MTSS1: variants seen among roughly 807,000 people sequenced by gnomAD.
MTSS1 encodes the protein MTSS I-BAR domain containing 1, also known as protein MTSS 1.
In MTSS1, 18 loss-of-function variants were observed where a neutral mutation model predicts 79.0. That is an observed-to-expected ratio of 0.23 (90% CI 0.16 to 0.34). The LOEUF is 0.34. MTSS1 is among the 10% of genes least tolerant of loss of function. MTSS1 has a pLI of 1.00. For missense variants in MTSS1, 815 were observed against 986.2 expected (o/e 0.83, Z 2.33); for synonymous variants, 341 against 368.6 (o/e 0.93, Z 0.86).
intron 3 of MTSS1, among the ~76,000 whole-genome samples, chr8:124,605,020 C>T (rs557339202): frequency 3.3e-5 from 5 of 152,308 alleles, no homozygotes; most frequent in South Asian, 4.1e-4. Context: ...AACACGGACA[C>T]GCTCACACTA....
At chr8:124,726,035 C>G (rs901008687) in intron 1 of MTSS1, among the ~76,000 whole-genome samples, 4 of 152,108 alleles carry the variant, frequency 2.6e-5, no homozygotes, top group Non-Finnish European at 4.4e-5. Context: ...ACTGAACAAA[C>G]CTACTAAACT....
intron 6 of MTSS1, among the ~76,000 whole-genome samples, chr8:124,574,251 G>T (rs572047824): frequency 1.3e-5 from 2 of 152,308 alleles, no homozygotes; most frequent in African/African-American, 4.8e-5. Flanking sequence ...GCCACAGAAG[G>T]AAGGAATTTT....
chr8:124,567,532 T>C, intron 7 of MTSS1: 4 of 1,160,556 alleles, frequency 3.4e-6, no homozygotes, highest in Non-Finnish European at 4.6e-6. Flanking sequence ...TTTTCTGAAG[T>C]TGCTTAGCTT....
chr8:124,568,445 G>A lies in MTSS1; in HGVS notation c.552C>T (p.Val184=), dbSNP rs778981907. The A allele has an allele frequency of 8.1e-6, 13 of 1,614,020 alleles. No individual in the cohort carries two copies. The South Asian group carries it at 1.3e-4, about 16-fold the overall frequency. ...LLLEETEKQA[V]RKALIEERGR... is the part of the protein sequence containing the mutation. The stretch of plus-strand genomic sequence containing the variant: ...CACGTTCTTCAATCAAAGCCTTCCG[G>A]ACAGCCTGCTTTTCTGTTTCTTCCA... Residue 184 remains valine (V), a synonymous_variant, in exon 7 of 14, where the codon GTC becomes GTT. Coordinates refer to ENST00000518547, the MANE Select transcript of MTSS1 (RefSeq NM_014751.6).
At chr8:124,617,660 T>C (rs1812659322) in intron 3 of MTSS1, among the ~76,000 whole-genome samples, 1 of 152,172 alleles carries the variant, frequency 6.6e-6, no homozygotes, top group African/African-American at 2.4e-5. Context: ...CACAAGCCCC[T>C]GGGCACCCTC....
At chr8:124,673,164 GC>G (rs1824607831) in intron 3 of MTSS1, 2 of 152,138 alleles carry the variant, frequency 1.3e-5, no homozygotes, top group African/African-American at 4.8e-5. Flanking sequence ...AGAAGGGAAA[GC>G]CACATAACAT....
rs1178765525 is a variant in MTSS1 at position 124,552,965 on chromosome 8, T to C, written c.*27A>G. The stretch of plus-strand genomic sequence containing the variant: ...TAGGTTTTATTAATGAAACAGTTCA[T>C]TCCCCACCGGCGCATTTCTTGTGAA... On this transcript the variant is annotated 3_prime_UTR_variant, in exon 14 of 14. Transcript: ENST00000518547. The C allele has an allele frequency of 6.2e-7, 1 of 1,600,190 alleles. No individual in the cohort carries two copies. Among genetic ancestry groups the C allele is most frequent in the Non-Finnish European group, 8.6e-7 (1 of 1,169,096 alleles).
chr8:124,684,338 A>C (rs1244456025), intron 3 of MTSS1, among the ~76,000 whole-genome samples: 1 of 152,212 alleles, frequency 6.6e-6, no homozygotes, highest in African/African-American at 2.4e-5. Flanking sequence ...GGAAAATCTA[A>C]AGGCTCAACT....
At position 124,565,939 on chromosome 8, in the gene MTSS1, T is replaced by C. The variant is rs1171942747; in HGVS notation, c.727-180A>G. ...CACAGTACCAAATCCATCAATATCA[T>C]AATCCTTTTACTGAGAAAGTAAAAC... On this transcript the variant is annotated intron_variant, in intron 8 of 13. Coordinates refer to ENST00000518547, the MANE Select transcript of MTSS1 (RefSeq NM_014751.6). The C allele has an allele frequency of 6.4e-6, 3 of 471,374 alleles. No individual in the cohort carries two copies. In the Admixed American group the frequency reaches 1.1e-4, roughly 17 times the overall value. The allele number at this position is 471,374 out of a possible 1,614,324, so 29.2% of individuals were successfully genotyped here. A position where few individuals can be genotyped will look rare whatever the true frequency, so the allele number is the denominator to read the frequency against.
At chr8:124,611,433 C>T (rs1183354105) in intron 3 of MTSS1, among the ~76,000 whole-genome samples, 5 of 152,140 alleles carry the variant, frequency 3.3e-5, no homozygotes, top group South Asian at 2.1e-4. Flanking sequence ...CCTGAACACA[C>T]GACCTCCAGC....
intron 3 of MTSS1, among the ~76,000 whole-genome samples, chr8:124,697,311 G>A (rs998929359): frequency 1.3e-5 from 2 of 151,174 alleles, no homozygotes; most frequent in Non-Finnish European, 2.9e-5. Context: ...TGTAATCCCA[G>A]CACTATGGGA....
chr8:124,593,119 G>A (rs1268538945), intron 3 of MTSS1, among the ~76,000 whole-genome samples: 3 of 151,158 alleles, frequency 2.0e-5, no homozygotes, highest in African/African-American at 7.4e-5. Flanking sequence ...AGCCAGCAGA[G>A]GGCGCCGTTT....
At chr8:124,715,448 A>G (rs979441416) in intron 1 of MTSS1, among the ~76,000 whole-genome samples, 2 of 152,096 alleles carry the variant, frequency 1.3e-5, no homozygotes, top group Admixed American at 1.3e-4. Context: ...CAAGGGCAGC[A>G]TGATGAACTT....
intron 3 of MTSS1, among the ~76,000 whole-genome samples, chr8:124,630,788 T>C (rs945424610): frequency 1.3e-5 from 2 of 152,080 alleles, no homozygotes; most frequent in African/African-American, 2.4e-5. Context: ...CAAAATCTAA[T>C]ACAAAAAAAA....
chr8:124,569,622 G>C (rs1481583049), intron 6 of MTSS1, among the ~76,000 whole-genome samples: 4 of 152,214 alleles, frequency 2.6e-5, no homozygotes, highest in African/African-American at 9.7e-5. Flanking sequence ...ACTCAAACCA[G>C]AGAGATACTT....
intron 1 of MTSS1, among the ~76,000 whole-genome samples, chr8:124,706,326 G>A (rs977399847): frequency 6.6e-6 from 1 of 152,140 alleles, no homozygotes; most frequent in Non-Finnish European, 1.5e-5. Flanking sequence ...CTGGAGTCTT[G>A]TGAGTTTTCT....
At chr8:124,676,617 C>A (rs936854367) in intron 3 of MTSS1, among the ~76,000 whole-genome samples, 1 of 152,236 alleles carries the variant, frequency 6.6e-6, no homozygotes, top group Non-Finnish European at 1.5e-5. Flanking sequence ...AATATTGTCA[C>A]TGCTTCCAAG....
At chr8:124,572,418 T>C (rs1258892123) in intron 6 of MTSS1, among the ~76,000 whole-genome samples, 2 of 152,230 alleles carry the variant, frequency 1.3e-5, no homozygotes, top group Non-Finnish European at 2.9e-5. Flanking sequence ...TTGGATATAC[T>C]GGTTTTAAGA....
chr8:124,626,448 G>A (rs1434203764), intron 3 of MTSS1, among the ~76,000 whole-genome samples: 1 of 152,148 alleles, frequency 6.6e-6, no homozygotes, highest in Admixed American at 6.5e-5. Flanking sequence ...ACCAGCCTGG[G>A]TAACCTAGAG....
Sources: gnomAD v4.1 joint callset for allele counts (sites outside exome capture counted in the v4.1 genomes callset) on GRCh38, gnomAD v4.1.1 for gene constraint, MANE v1.5 for transcripts, NCBI Gene and HGNC (gene_info 2026-07-23, HGNC 2026-07-21) for gene names.